Variants in PDE8B observed in about 807,000 individuals in gnomAD.
The protein encoded by PDE8B is high affinity cAMP-specific and IBMX-insensitive 3',5'-cyclic phosphodiesterase 8B.
Under a neutral mutation model 101.3 loss-of-function variants are expected in PDE8B, and 26 were observed. The observed-to-expected ratio is 0.26, with a 90% CI of 0.19 to 0.36. The LOEUF is 0.36. Among genes scored for constraint, PDE8B ranks in the 10% least tolerant of loss-of-function variants. The pLI is 1.00. For missense variants in PDE8B, 810 were observed against 1,163.1 expected (o/e 0.70, Z 4.42); for synonymous variants, 424 against 429.3 (o/e 0.99, Z 0.15).
chr5:77,345,850 G>A (rs1415770912), intron 7 of PDE8B, among the ~76,000 whole-genome samples: 1 of 152,106 alleles, frequency 6.6e-6, no homozygotes, highest in Non-Finnish European at 1.5e-5. Flanking sequence ...AACACACAGC[G>A]AAGCCCACAG....
At position 77,211,140 on chromosome 5, in the gene PDE8B, C is replaced by T. The variant is rs939357928; in HGVS notation, c.215C>T (p.Thr72Ile). ...PSVARVRRARTELGSGSSAGS... is the reference protein window; with the variant it reads ...PSVARVRRARIELGSGSSAGS... ...GTAGCCCGCGTCCGCAGGGCCCGCACCGAGCTGGGCAGCGGTAGCAGCGCG... is the reference window on the plus strand; with the variant it reads ...GTAGCCCGCGTCCGCAGGGCCCGCATCGAGCTGGGCAGCGGTAGCAGCGCG... Residue 72 changes from threonine to isoleucine, a missense_variant, in exon 1 of 22, where the codon ACC becomes ATC. This residue lies in a region of PDE8B where 159 missense variants were observed against 146.6 expected (regional missense o/e 1.08). Coordinates refer to ENST00000264917, the MANE Select transcript of PDE8B (RefSeq NM_003719.5). The surrounding 1 kb of genome is among the most constrained non-coding windows in gnomAD (Gnocchi z 4.1). 1 of 1,524,156 alleles carries T rather than the reference C, an allele frequency of 6.6e-7. No individual in the cohort carries two copies. Among genetic ancestry groups the T allele is most frequent in the Admixed American group, 2.0e-5 (1 of 50,500 alleles). The allele number at this position is 1,524,156 out of a possible 1,614,324, so 94.4% of individuals were successfully genotyped here.
chr5:77,183,967 T>C, the PDE8B span, among the ~76,000 whole-genome samples: 1,950 of 139,602 alleles, frequency 0.014, 51 homozygotes, highest in African/African-American at 0.053. Context: ...TTTAAATACA[T>C]ACTTTTTTTT....
chr5:77,370,790 T>C (rs1397657949), intron 10 of PDE8B, among the ~76,000 whole-genome samples: 1 of 152,208 alleles, frequency 6.6e-6, no homozygotes, highest in Non-Finnish European at 1.5e-5. Context: ...GTATGAGGGA[T>C]TCAGTTGCTG....
At chr5:77,130,644 T>A in the PDE8B span, among the ~76,000 whole-genome samples, 1 of 151,982 alleles carries the variant, frequency 6.6e-6, no homozygotes. Context: ...ATACACCTTA[T>A]GGTAGAAAAC....
chr5:77,214,082 C>A (rs564838159), intron 1 of PDE8B: 1 of 152,314 alleles, frequency 6.6e-6, no homozygotes, highest in South Asian at 2.1e-4. Flanking sequence ...AAATAGTACT[C>A]CAACAGGAGA....
At chr5:77,164,441 G>A in the PDE8B span, among the ~76,000 whole-genome samples, 1 of 152,302 alleles carries the variant, frequency 6.6e-6, no homozygotes, top group East Asian at 1.9e-4. Context: ...CTCTGCAGAA[G>A]AAAGAAAAGC....
chr5:77,408,213 C>A (rs1793863410), intron 13 of PDE8B, among the ~76,000 whole-genome samples: 2 of 152,054 alleles, frequency 1.3e-5, no homozygotes, highest in South Asian at 4.2e-4. Context: ...AATTATATTG[C>A]CAGGGTAGGG....
At chr5:77,311,105 T>G (rs886211498) in intron 1 of PDE8B, among the ~76,000 whole-genome samples, 1 of 151,722 alleles carries the variant, frequency 6.6e-6, no homozygotes, top group African/African-American at 2.4e-5. Context: ...GAGTGTGGAA[T>G]GCAGGATAAG....
intron 1 of PDE8B, among the ~76,000 whole-genome samples, chr5:77,225,505 G>A (rs1286426456): frequency 6.6e-6 from 1 of 151,986 alleles, no homozygotes; most frequent in Non-Finnish European, 1.5e-5. Context: ...CAGGTTTGTT[G>A]CGTCCATTCC....
At position 77,426,760 on chromosome 5, in the gene PDE8B, C is replaced by G. The variant is rs1798216379; in HGVS notation, c.*206C>G. The G allele has an allele frequency of 1.8e-6, 1 of 565,210 alleles. No homozygotes were observed. The highest frequency in any genetic ancestry group is 3.2e-6 in the Non-Finnish European group (1 of 314,056). 35.0% of individuals were successfully genotyped at this position (565,210 alleles called of 1,614,324 possible). ...AGAAAAATATATGTTCTTTTGAATACTTAATGACAGAACAAATACTTGGCA... is the reference window on the plus strand; with the variant it reads ...AGAAAAATATATGTTCTTTTGAATAGTTAATGACAGAACAAATACTTGGCA... On this transcript the variant is annotated 3_prime_UTR_variant, in exon 22 of 22. Transcript: ENST00000264917.
intron 12 of PDE8B, 78 bp from the exon 13 acceptor site, chr5:77,407,303 C>A: frequency 1.9e-6 from 2 of 1,050,242 alleles, no homozygotes; most frequent in Admixed American, 1.7e-5. Flanking sequence ...GGGCCCTGGT[C>A]CATGAAGGGA....
At chr5:77,207,374 CA>C, upstream of PDE8B, among the ~76,000 whole-genome samples, 1 of 152,316 alleles carries the variant, frequency 6.6e-6, no homozygotes, top group East Asian at 1.9e-4. Context: ...CATAATTTTA[CA>C]GTTAGCTCTT....
At chr5:77,194,659 C>T in the PDE8B span, among the ~76,000 whole-genome samples, 3 of 152,138 alleles carry the variant, frequency 2.0e-5, no homozygotes, top group Non-Finnish European at 4.4e-5. Flanking sequence ...TCTGGATTTG[C>T]CTATTCTAGA....
intron 10 of PDE8B, among the ~76,000 whole-genome samples, chr5:77,394,349 A>G (rs2150950610): frequency 6.6e-6 from 1 of 152,224 alleles, no homozygotes; most frequent in East Asian, 1.9e-4. Context: ...TCTGCTCATG[A>G]GTATCTCCTC....
chr5:77,140,000 T>C, the PDE8B span: 1 of 152,222 alleles, frequency 6.6e-6, no homozygotes. Flanking sequence ...TATTATGAGC[T>C]TATTTTCAGC....
At chr5:77,251,986 C>T (rs773870202) in intron 1 of PDE8B, among the ~76,000 whole-genome samples, 6 of 152,156 alleles carry the variant, frequency 3.9e-5, no homozygotes, top group East Asian at 1.9e-4. Flanking sequence ...TTTCAGTATT[C>T]GAAGGCAGCC....
At chr5:77,159,972 T>A in the PDE8B span, among the ~76,000 whole-genome samples, 1 of 152,162 alleles carries the variant, frequency 6.6e-6, no homozygotes, top group African/African-American at 2.4e-5. Flanking sequence ...ACATTTAAAG[T>A]TAAGGTTATA....
At chr5:77,419,729 C>T (rs200873320) in intron 18 of PDE8B, 38 bp from the exon 19 acceptor site, 26 of 1,611,668 alleles carry the variant, frequency 1.6e-5, no homozygotes, top group East Asian at 4.5e-5. Flanking sequence ...ATTTGAGACA[C>T]GCTGTGAACA....
At chr5:77,208,607 C>G (rs1234296142), upstream of PDE8B, among the ~76,000 whole-genome samples, 13 of 152,166 alleles carry the variant, frequency 8.5e-5, no homozygotes, top group Non-Finnish European at 2.9e-5. Flanking sequence ...ATGTGGTGTT[C>G]TTACAGGCAT....
Sources: gnomAD v4.1 joint callset for allele counts (sites outside exome capture counted in the v4.1 genomes callset) on GRCh38, gnomAD v4.1.1 for gene constraint, gnomAD v4.1.1 regional missense constraint, Gnocchi (gnomAD v3.1) non-coding constraint, MANE v1.5 for transcripts, NCBI Gene and HGNC (gene_info 2026-07-23, HGNC 2026-07-21) for gene names.